Variants in TMEM178B observed in about 807,000 individuals in gnomAD.
The protein encoded by TMEM178B is transmembrane protein 178B.
A neutral mutation model predicts 31.0 loss-of-function variants in TMEM178B; 5 were observed. The ratio of observed to expected loss-of-function variants is 0.16; its 90% CI spans 0.08 to 0.34. The LOEUF (loss-of-function observed/expected upper bound fraction) is 0.34, where lower values mean the gene tolerates loss of function less well. Among genes scored for constraint, TMEM178B ranks in the 10% least tolerant of loss-of-function variants. The probability of loss-of-function intolerance (pLI) is 1.00; values close to 1 mark genes in which losing one functional copy is unlikely to be tolerated. For missense variants in TMEM178B, 275 were observed against 400.3 expected, an observed-to-expected ratio of 0.69 and a Z score of 2.67; for synonymous variants, 164 against 164.0, an observed-to-expected ratio of 1.00 and a Z score of 0.00.
At chr7:141,216,423 CTGTGTG>C (rs575369422) in intron 2 of TMEM178B, among the ~76,000 whole-genome samples, 5 of 89,350 alleles carry the variant, frequency 5.6e-5, no homozygotes, top group Non-Finnish European at 4.9e-5. Flanking sequence ...AGGATGAAGC[CTGTGTG>C]TGTGTGTGTG....
intron 2 of TMEM178B, among the ~76,000 whole-genome samples, chr7:141,331,203 T>C (rs1375993051): frequency 6.6e-6 from 1 of 151,856 alleles, no homozygotes; most frequent in Non-Finnish European, 1.5e-5. Flanking sequence ...AATTTGGGAG[T>C]CTTTGGCATG....
chr7:141,442,987 G>T (rs1445806697), intron 3 of TMEM178B, among the ~76,000 whole-genome samples: 1 of 152,220 alleles, frequency 6.6e-6, no homozygotes, highest in Non-Finnish European at 1.5e-5. Flanking sequence ...CCTCTTCCAA[G>T]ATCACAATGT....
At chr7:141,293,799 T>A (rs920548098) in intron 2 of TMEM178B, among the ~76,000 whole-genome samples, 1 of 152,212 alleles carries the variant, frequency 6.6e-6, no homozygotes, top group Non-Finnish European at 1.5e-5. Flanking sequence ...TTTACGAACC[T>A]GTAACCAGCA....
At chr7:141,272,081 A>G (rs1368909067) in intron 2 of TMEM178B, among the ~76,000 whole-genome samples, 1 of 152,010 alleles carries the variant, frequency 6.6e-6, no homozygotes, top group African/African-American at 2.4e-5. Flanking sequence ...TCTTCTATGG[A>G]CTCATATAGC....
intron 2 of TMEM178B, among the ~76,000 whole-genome samples, chr7:141,395,674 C>T (rs1357118161): frequency 6.6e-6 from 1 of 152,142 alleles, no homozygotes; most frequent in Non-Finnish European, 1.5e-5. Flanking sequence ...TCTGTCCTCA[C>T]TCCACCACAC....
At chr7:141,114,606 G>A (rs1002256011) in intron 1 of TMEM178B, among the ~76,000 whole-genome samples, 3 of 152,206 alleles carry the variant, frequency 2.0e-5, no homozygotes, top group Admixed American at 1.3e-4. Flanking sequence ...GTGATTCTGA[G>A]GCCTATTCTA....
At chr7:141,393,758 G>A (rs1800588149) in intron 2 of TMEM178B, among the ~76,000 whole-genome samples, 1 of 152,214 alleles carries the variant, frequency 6.6e-6, no homozygotes, top group Admixed American at 6.5e-5. Context: ...TCATACCCTT[G>A]CTTTCCTTCA....
At chr7:141,354,470 G>A (rs1799785431) in intron 2 of TMEM178B, among the ~76,000 whole-genome samples, 1 of 152,186 alleles carries the variant, frequency 6.6e-6, no homozygotes, top group Admixed American at 6.5e-5. Context: ...AAATAATGAA[G>A]CAGCTTACTC....
At chr7:141,173,376 T>C (rs918362744) in intron 1 of TMEM178B, among the ~76,000 whole-genome samples, 8 of 152,182 alleles carry the variant, frequency 5.3e-5, no homozygotes, top group Non-Finnish European at 8.8e-5. Context: ...CTGATTGAGC[T>C]GAATCAATAA....
At chr7:141,356,381 T>TG (rs1799818979) in intron 2 of TMEM178B, among the ~76,000 whole-genome samples, 1 of 67,142 alleles carries the variant, frequency 1.5e-5, no homozygotes, top group African/African-American at 5.4e-5. Flanking sequence ...CTGACATCTG[T>TG]TTTTTTTTTG....
intron 2 of TMEM178B, among the ~76,000 whole-genome samples, chr7:141,248,794 C>T (rs576647482): frequency 1.7e-4 from 26 of 152,276 alleles, no homozygotes; most frequent in African/African-American, 5.5e-4. Context: ...GTATACACTA[C>T]TGTAGGCTTC....
chr7:141,263,839 G>T (rs1386421069), intron 2 of TMEM178B, among the ~76,000 whole-genome samples: 1 of 152,190 alleles, frequency 6.6e-6, no homozygotes, highest in Non-Finnish European at 1.5e-5. Context: ...ACTTTCCATA[G>T]TTCTGTAGAA....
chr7:141,368,356 T>C (rs1161464460), intron 2 of TMEM178B, among the ~76,000 whole-genome samples: 1 of 152,214 alleles, frequency 6.6e-6, no homozygotes, highest in African/African-American at 2.4e-5. Context: ...CTAGTCACTC[T>C]TCTGAACTGA....
chr7:141,220,426 G>C (rs1366340888), intron 2 of TMEM178B, among the ~76,000 whole-genome samples: 1 of 151,934 alleles, frequency 6.6e-6, no homozygotes, highest in Non-Finnish European at 1.5e-5. Context: ...GCCTGGCTGG[G>C]GGTCAGTGAT....
At chr7:141,383,487 C>G (rs1586924898) in intron 2 of TMEM178B, among the ~76,000 whole-genome samples, 1 of 151,790 alleles carries the variant, frequency 6.6e-6, no homozygotes, top group African/African-American at 2.4e-5. Flanking sequence ...TTTGTCCTTG[C>G]AAAAGTTTGC....
chr7:141,403,014 C>T (rs1222505128), intron 2 of TMEM178B, among the ~76,000 whole-genome samples: 2 of 152,224 alleles, frequency 1.3e-5, no homozygotes, highest in Non-Finnish European at 2.9e-5. Flanking sequence ...CATGGGCATT[C>T]GTTTCTTTGT....
intron 2 of TMEM178B, among the ~76,000 whole-genome samples, chr7:141,412,596 A>G (rs961816705): frequency 6.6e-6 from 1 of 152,252 alleles, no homozygotes; most frequent in Non-Finnish European, 1.5e-5. Flanking sequence ...GTTGAGTTTT[A>G]TTTGATCTGA....
chr7:141,364,322 G>A (rs1335651707), intron 2 of TMEM178B, among the ~76,000 whole-genome samples: 2 of 152,092 alleles, frequency 1.3e-5, no homozygotes, highest in Non-Finnish European at 2.9e-5. Flanking sequence ...CCCTTTCAAA[G>A]AAAATACCTC....
intron 1 of TMEM178B, among the ~76,000 whole-genome samples, chr7:141,113,920 T>C (rs973056796): frequency 1.3e-5 from 2 of 152,220 alleles, no homozygotes; most frequent in Non-Finnish European, 2.9e-5. Flanking sequence ...ATAATGTGAT[T>C]AGAGTACAGA....
Sources: gnomAD v4.1 joint callset for allele counts (sites outside exome capture counted in the v4.1 genomes callset) on GRCh38, gnomAD v4.1.1 for gene constraint, MANE v1.5 for transcripts, NCBI Gene and HGNC (gene_info 2026-07-23, HGNC 2026-07-21) for gene names.